PPP1R7: variants seen among roughly 807,000 people sequenced by gnomAD.
PPP1R7 encodes protein phosphatase 1 regulatory subunit 22.
A neutral mutation model predicts 45.2 loss-of-function variants in PPP1R7; 18 were observed. The ratio of observed to expected loss-of-function variants is 0.40; its 90% CI spans 0.28 to 0.59. The LOEUF is 0.59. Ranked by LOEUF, PPP1R7 falls within the 20% of genes least tolerant of loss-of-function variation. PPP1R7 has a pLI of 0.46. For missense variants in PPP1R7, 314 were observed against 455.8 expected (o/e 0.69, Z 2.83); for synonymous variants, 181 against 183.4 (o/e 0.99, Z 0.11).
At chr2:241,150,363 G>A (rs941405564), upstream of PPP1R7, 6 of 1,351,410 alleles carry the variant, frequency 4.4e-6, no homozygotes, top group Non-Finnish European at 5.7e-6. Context: ...ATGAGGCGCT[G>A]GGCCCACGCA....
At chr2:241,151,809 C>T (rs962619784) in intron 1 of PPP1R7, among the ~76,000 whole-genome samples, 1 of 152,194 alleles carries the variant, frequency 6.6e-6, no homozygotes, top group African/African-American at 2.4e-5. Flanking sequence ...ATCTCCGATA[C>T]GTCCTCCATT....
At position 241,183,439 on chromosome 2, in the gene PPP1R7, C is replaced by G; in HGVS notation, c.*616C>G. 2.1e-6 allele frequency: 1 copy of G among 471,174 alleles called. No homozygotes were observed. The highest frequency in any genetic ancestry group is 1.5e-5 in the South Asian group (1 of 64,570). The allele number at this position is 471,174 out of a possible 1,614,324, so 29.2% of individuals were successfully genotyped here. On this transcript the variant is annotated 3_prime_UTR_variant, in exon 10 of 10. Coordinates refer to ENST00000234038, the MANE Select transcript of PPP1R7 (RefSeq NM_002712.3). ...GTTTTCACGTGTGCCCGTCAGTTCT[C>G]GCCACATCCCTTGCCTGTGGGTGAA...
At chr2:241,154,110 G>A (rs538164738) in intron 2 of PPP1R7, among the ~76,000 whole-genome samples, 17 of 149,470 alleles carry the variant, frequency 1.1e-4, no homozygotes, top group African/African-American at 4.2e-4. Flanking sequence ...AACCCAGGAG[G>A]TGGAGGTTGC....
At chr2:241,159,991 G>A (rs74000400) in intron 5 of PPP1R7, among the ~76,000 whole-genome samples, 7,934 of 152,198 alleles carry the variant, frequency 0.052, 705 homozygotes, top group African/African-American at 0.18. Flanking sequence ...ATACTTCTCA[G>A]GCCCCTTCTG....
At chr2:241,150,046 AG>A (rs1231197531), upstream of PPP1R7, 1 of 1,367,384 alleles carries the variant, frequency 7.3e-7, no homozygotes, top group African/African-American at 1.5e-5. Context: ...AGGCTCGCAG[AG>A]GTCAGGGATG....
chr2:241,164,315 G>A (rs2067660595), intron 7 of PPP1R7, among the ~76,000 whole-genome samples: 1 of 152,190 alleles, frequency 6.6e-6, no homozygotes, highest in South Asian at 2.1e-4. Context: ...AAATTCTAAA[G>A]TGTTTGGCTC....
chr2:241,161,389 A>C (rs899635624), intron 6 of PPP1R7, among the ~76,000 whole-genome samples: 1 of 142,180 alleles, frequency 7.0e-6, no homozygotes, highest in Non-Finnish European at 1.5e-5. Flanking sequence ...GATCATGGTC[A>C]TCTTCTCTGG....
rs2068029456 is a variant in PPP1R7, at chr2:241,182,878, G to C, written c.*55G>C. 1 of 1,569,846 alleles carries C rather than the reference G, an allele frequency of 6.4e-7. No homozygotes were observed. Among genetic ancestry groups the C allele is most frequent in the Admixed American group, 1.7e-5 (1 of 57,194 alleles). ...TCCTCGGAAGAACTGCCCAGCCACG[G>C]GTTTTTAACCCACCTGTTGCTCCTG... is the stretch of plus-strand genomic sequence containing the variant. On this transcript the variant is annotated 3_prime_UTR_variant, in exon 10 of 10. Transcript: ENST00000234038.
chr2:241,178,325 A>C (rs974372210), intron 9 of PPP1R7, among the ~76,000 whole-genome samples: 1 of 152,052 alleles, frequency 6.6e-6, no homozygotes, highest in Non-Finnish European at 1.5e-5. Flanking sequence ...TTCCCTCTTG[A>C]TACTTTCTGC....
At chr2:241,173,246 T>C (rs2067850120) in intron 9 of PPP1R7, among the ~76,000 whole-genome samples, 1 of 126,112 alleles carries the variant, frequency 7.9e-6, no homozygotes, top group African/African-American at 3.2e-5. Context: ...TAGTCCAACT[T>C]GGGCAACAGA....
At chr2:241,162,189 G>A (rs2067608661) in intron 6 of PPP1R7, among the ~76,000 whole-genome samples, 1 of 152,128 alleles carries the variant, frequency 6.6e-6, no homozygotes, top group African/African-American at 2.4e-5. Flanking sequence ...GGCAACAGTG[G>A]CTCATCACAA....
chr2:241,165,779 C>T (rs187594311), intron 7 of PPP1R7, among the ~76,000 whole-genome samples: 2,522 of 150,374 alleles, frequency 0.017, 30 homozygotes, highest in Non-Finnish European at 0.027. Context: ...GTATTTTTTT[C>T]GTAGAGACGG....
chr2:241,175,709 C>G (rs575310147), intron 9 of PPP1R7, among the ~76,000 whole-genome samples: 2 of 152,326 alleles, frequency 1.3e-5, no homozygotes, highest in East Asian at 3.9e-4. Context: ...ATCCTCCCAC[C>G]TCAGCCTCCC....
At chr2:241,166,027 C>G (rs563084216) in intron 7 of PPP1R7, among the ~76,000 whole-genome samples, 3 of 151,588 alleles carry the variant, frequency 2.0e-5, no homozygotes, top group African/African-American at 7.3e-5. Context: ...CTCAGCCTCC[C>G]GAGTAGCTGG....
At chr2:241,166,788 C>T (rs1415653099) in intron 8 of PPP1R7, among the ~76,000 whole-genome samples, 1 of 152,286 alleles carries the variant, frequency 6.6e-6, no homozygotes, top group Non-Finnish European at 1.5e-5. Flanking sequence ...TTGAAAAAAA[C>T]AAACCCAACC....
chr2:241,153,460 A>C lies in PPP1R7; in HGVS notation c.53-16A>C, dbSNP rs745786534. 1 of 1,613,866 alleles carries C rather than the reference A, an allele frequency of 6.2e-7. No homozygotes were observed. ...ATAAAGTGGATGTGAATTCTCATTG[A>C]CATGTGTGGGTTCAGTTGACAGGCG... On this transcript the variant is annotated splice_polypyrimidine_tract_variant and intron_variant, in intron 1 of 9. Coordinates refer to ENST00000234038, the MANE Select transcript of PPP1R7 (RefSeq NM_002712.3).
At chr2:241,169,450 G>A (rs1015593345) in intron 8 of PPP1R7, among the ~76,000 whole-genome samples, 2 of 152,214 alleles carry the variant, frequency 1.3e-5, no homozygotes, top group Non-Finnish European at 2.9e-5. Context: ...GGGGTTACTC[G>A]GTTCTTCCTG....
At chr2:241,150,312 G>A (rs1295993524), upstream of PPP1R7, 1 of 1,335,488 alleles carries the variant, frequency 7.5e-7, no homozygotes, top group Non-Finnish European at 9.6e-7. Context: ...CTGCTCTGGG[G>A]GAGGCGCGGC....
intron 6 of PPP1R7, 84 bp downstream of exon 6, chr2:241,160,578 G>T: frequency 8.6e-7 from 1 of 1,168,610 alleles, no homozygotes; most frequent in Non-Finnish European, 1.2e-6. Context: ...TATGTAGAAT[G>T]CATGGTGAGT....
Sources: gnomAD v4.1 joint callset for allele counts (sites outside exome capture counted in the v4.1 genomes callset) on GRCh38, gnomAD v4.1.1 for gene constraint, MANE v1.5 for transcripts, NCBI Gene and HGNC (gene_info 2026-07-23, HGNC 2026-07-21) for gene names.